PLCG1: variants seen among roughly 807,000 people sequenced by gnomAD.
PLCG1 encodes phospholipase C gamma 1.
PLCG1 carries 71 observed loss-of-function variants against 177.8 expected under a neutral mutation model. The ratio of observed to expected loss-of-function variants is 0.40; its 90% confidence interval spans 0.33 to 0.49. The LOEUF is 0.49. Among genes scored for constraint, PLCG1 ranks in the 20% least tolerant of loss-of-function variants. The pLI is 0.72. For missense variants in PLCG1, 1,281 were observed against 1,709.0 expected (o/e 0.75, Z 4.42); for synonymous variants, 658 against 647.9 (o/e 1.02, Z -0.24).
At position 41,168,163 on chromosome 20, in the gene PLCG1, T is replaced by C. The variant is rs34705701; in HGVS notation, c.2379+234T>C. Among the ~76,000 whole-genome samples the C allele has an allele frequency of 6.0e-3, 909 of 152,296 alleles. 6 individuals are homozygous for C. The highest frequency in any genetic ancestry group is 0.01 in the Middle Eastern group (3 of 294). On this transcript the variant is annotated intron_variant, in intron 20 of 31. Transcript: ENST00000685551. ...CAGCAGTGACCCTTTAAACTGCTCC[T>C]GTGGGTGACCCCTGTTTCCTTCCTG...
Position 41,147,074 on chromosome 20 carries a change from C to T in PLCG1, c.217+9216C>T, listed in dbSNP as rs928191197. On this transcript the variant is annotated intron_variant, in intron 1 of 31. Transcript: ENST00000685551. This position sits in a 1 kb window ranked among gnomAD's most constrained non-coding sequence, Gnocchi z 4.0. ...CACTGAAGACCCACTTTATGGTCAC[C>T]CTATTCTGCCTGATAGTCCACCACC... 6.6e-6 allele frequency among the ~76,000 whole-genome samples: 1 copy of T among 152,124 alleles called. No homozygotes were observed. Among genetic ancestry groups the T allele is most frequent in the African/African-American group, 2.4e-5 (1 of 41,400 alleles).
intron 20 of PLCG1, among the ~76,000 whole-genome samples, 186 bp from the exon 21 acceptor site, chr20:41,168,581 T>C (rs977824919): frequency 3.9e-5 from 6 of 152,236 alleles, no homozygotes; most frequent in African/African-American, 1.4e-4. Context: ...ATCATATCTG[T>C]CCTGGAGCTT....
At chr20:41,155,095 G>T (rs2035279045) in intron 1 of PLCG1, among the ~76,000 whole-genome samples, 1 of 152,202 alleles carries the variant, frequency 6.6e-6, no homozygotes, top group Admixed American at 6.5e-5. Context: ...GGGAAGAGAT[G>T]GAAAAGGAAC....
intron 1 of PLCG1, among the ~76,000 whole-genome samples, chr20:41,152,803 AGTG>A (rs1441707102): frequency 6.6e-6 from 1 of 152,254 alleles, no homozygotes; most frequent in Non-Finnish European, 1.5e-5. Context: ...AGGTGTGACA[AGTG>A]GTGACACACA....
Position 41,153,741 on chromosome 20 carries a change from CA to C in PLCG1, c.218-5860del, listed in dbSNP as rs1434925421. On this transcript the variant is annotated intron_variant, in intron 1 of 31. Transcript: ENST00000685551. The surrounding 1 kb of genome is among the most constrained non-coding windows in gnomAD (Gnocchi z 5.1). ...TGAAACCCCGTCTCTACTAAAAATA[CA>C]AAAATCAGCTGGGCATGGTGGTGTG... Among the ~76,000 whole-genome samples, 1 of 152,040 alleles carries C rather than the reference CA, an allele frequency of 6.6e-6. No homozygotes were observed. The highest frequency in any genetic ancestry group is 6.6e-5 in the Admixed American group (1 of 15,252).
Position 41,166,521 on chromosome 20 carries a change from A to G in PLCG1, c.2046A>G (p.Leu682=). Reference sequence around the variant, plus strand: ...CCAGAGCACAGGCTGAGCACATGCTAATGCGCGTCCCTCGTGATGGGGCCT... The same window carrying G: ...CCAGAGCACAGGCTGAGCACATGCTGATGCGCGTCCCTCGTGATGGGGCCT... ...SLTRAQAEHM[L]MRVPRDGAFL... is the part of the protein sequence containing the mutation. The change falls in exon 18 of 32, where the codon CTA becomes CTG. Residue 682 remains leucine, a synonymous_variant. Coordinates refer to ENST00000685551, the MANE Select transcript of PLCG1 (RefSeq NM_002660.3). The surrounding 1 kb of genome is among the most constrained non-coding windows in gnomAD (Gnocchi z 8.6). The G allele has an allele frequency of 1.2e-6, 2 of 1,614,078 alleles. No homozygotes were observed. The highest frequency in any genetic ancestry group is 8.5e-7 in the Non-Finnish European group (1 of 1,180,028).
Position 41,137,588 on chromosome 20 carries a change from G to A in PLCG1, c.-54G>A, listed in dbSNP as rs2034638123. On this transcript the variant is annotated 5_prime_UTR_variant, in exon 1 of 32. Coordinates refer to ENST00000685551, the MANE Select transcript of PLCG1 (RefSeq NM_002660.3). The surrounding 1 kb of genome is among the most constrained non-coding windows in gnomAD (Gnocchi z 7.3). ...CCCCAACCTCAGCCGCCGCCGTTGCGCTTGCTCCCGGGCGGTCCTGGCCTG... is the reference window on the plus strand; with the variant it reads ...CCCCAACCTCAGCCGCCGCCGTTGCACTTGCTCCCGGGCGGTCCTGGCCTG... The A allele has an allele frequency of 5.3e-6, 6 of 1,134,210 alleles. No individual in the cohort carries two copies. Among genetic ancestry groups the A allele is most frequent in the Non-Finnish European group, 5.6e-6 (5 of 889,348 alleles). 70.3% of individuals were successfully genotyped at this position (1,134,210 alleles called of 1,614,324 possible). A position where few individuals can be genotyped will look rare whatever the true frequency, so the allele number is the denominator to read the frequency against.
Position 41,164,828 on chromosome 20 carries a change from C to T in PLCG1, c.1218-105C>T, listed in dbSNP as rs1428295502. ...TCTTTTCTGGGATAGTTTTTACAGACAAGAAGCCCCCAGGCCCTTGGCTTC... is the reference window on the plus strand; with the variant it reads ...TCTTTTCTGGGATAGTTTTTACAGATAAGAAGCCCCCAGGCCCTTGGCTTC... On this transcript the variant is annotated intron_variant, in intron 12 of 31. Transcript: ENST00000685551. The surrounding 1 kb of genome is among the most constrained non-coding windows in gnomAD (Gnocchi z 6.4). 2.7e-6 allele frequency: 3 copies of T among 1,130,856 alleles called. No individual in the cohort carries two copies. The African/African-American group carries it at 4.7e-5, about 18-fold the overall frequency. 70.1% of individuals were successfully genotyped at this position (1,130,856 alleles called of 1,614,324 possible). A position where few individuals can be genotyped will look rare whatever the true frequency, so the allele number is the denominator to read the frequency against.
rs33943601 is a variant in PLCG1, at chr20:41,172,488, C to G, written c.2973C>G (p.Tyr991Ter). Residue 991 changes from tyrosine to a stop codon, truncating the protein, a stop_gained, in exon 26 of 32, where the codon TAC becomes TAG. Transcript: ENST00000685551. LOFTEE classifies it high-confidence loss of function. The surrounding 1 kb of genome is among the most constrained non-coding windows in gnomAD (Gnocchi z 7.0). ...SSFPETKAEK[Y>*]VNKAKGKKFL... Reference sequence around the variant, plus strand: ...TCCCGGAAACCAAGGCTGAGAAATACGTGAACAAGGCCAAAGGCAAGAAGT... The same window carrying G: ...TCCCGGAAACCAAGGCTGAGAAATAGGTGAACAAGGCCAAAGGCAAGAAGT... 1 of 1,614,166 alleles carries G rather than the reference C, an allele frequency of 6.2e-7. No homozygotes were observed. Among genetic ancestry groups the G allele is most frequent in the Non-Finnish European group, 8.5e-7 (1 of 1,179,994 alleles).
In PLCG1 at chr20:41,173,993, T is replaced by A; in HGVS notation, c.3627T>A (p.Ile1209=). 1 of 1,614,042 alleles carries A rather than the reference T, an allele frequency of 6.2e-7. No homozygotes were observed. The highest frequency in any genetic ancestry group is 1.1e-5 in the South Asian group (1 of 91,084). Reference sequence around the variant, plus strand: ...AGTTGGCCTCCCTGCTGATCAAGATTGACATTTTCCCTGCCAAGGTATCTG... The same window carrying A: ...AGTTGGCCTCCCTGCTGATCAAGATAGACATTTTCCCTGCCAAGGTATCTG... ...DLELASLLIK[I]DIFPAKQENG... Residue 1209 remains isoleucine (I), a synonymous_variant, in exon 30 of 32, where the codon ATT becomes ATA. Transcript: ENST00000685551. This position sits in a 1 kb window ranked among gnomAD's most constrained non-coding sequence, Gnocchi z 6.2.
intron 1 of PLCG1, among the ~76,000 whole-genome samples, chr20:41,143,498 TGC>T (rs1229307615): frequency 6.6e-6 from 1 of 152,186 alleles, no homozygotes; most frequent in East Asian, 1.9e-4. Flanking sequence ...AATGTTCTGG[TGC>T]CCCTTGTAGA....
At position 41,163,648 on chromosome 20, in the gene PLCG1, A is replaced by G. The variant is rs958259507; in HGVS notation, c.892-67A>G. 3.7e-5 allele frequency: 45 copies of G among 1,203,698 alleles called. No homozygotes were observed. The highest frequency in any genetic ancestry group is 1.9e-4 in the Middle Eastern group (1 of 5,252). The allele number at this position is 1,203,698 out of a possible 1,614,324, so 74.6% of individuals were successfully genotyped here. On this transcript the variant is annotated intron_variant, in intron 9 of 31. Coordinates refer to ENST00000685551, the MANE Select transcript of PLCG1 (RefSeq NM_002660.3). This position sits in a 1 kb window ranked among gnomAD's most constrained non-coding sequence, Gnocchi z 5.2. ...CAGAGCACTCTCTCTCCTACCCCCA[A>G]CCTACCATCTTGGGTTGGACAGGGC...
Position 41,172,801 on chromosome 20 carries a change from C to T in PLCG1, c.3203C>T (p.Thr1068Ile). 2.5e-6 allele frequency: 4 copies of T among 1,614,178 alleles called. No individual in the cohort carries two copies. The highest frequency in any genetic ancestry group is 3.4e-6 in the Non-Finnish European group (4 of 1,180,030). The change falls in exon 27 of 32, where the codon ACC becomes ATC. Residue 1068 changes from threonine to isoleucine, a missense_variant. This residue lies in a region of PLCG1 where 723 missense variants were observed against 1,030.0 expected (regional missense o/e 0.70). Transcript: ENST00000685551. This position sits in a 1 kb window ranked among gnomAD's most constrained non-coding sequence, Gnocchi z 7.0. ...TGTGGCTACGTGCTGCAGCCAAGCACCATGCGGGATGAGGCCTTCGACCCC... is the reference window on the plus strand; with the variant it reads ...TGTGGCTACGTGCTGCAGCCAAGCATCATGCGGGATGAGGCCTTCGACCCC... ...RHCGYVLQPS[T>I]MRDEAFDPFD...
Position 41,168,792 on chromosome 20 carries a change from A to G in PLCG1, c.2405A>G (p.Tyr802Cys). ...TGTGCAGTCAAAGCCCTCTTTGACTACAAGGCCCAGAGGGAGGACGAGCTG... is the reference window on the plus strand; with the variant it reads ...TGTGCAGTCAAAGCCCTCTTTGACTGCAAGGCCCAGAGGGAGGACGAGCTG... ...FKCAVKALFD[Y>C]KAQREDELTF... Residue 802 changes from tyrosine to cysteine, a missense_variant, in exon 21 of 32, where the codon TAC (tyrosine) becomes TGC (cysteine). Coordinates refer to ENST00000685551, the MANE Select transcript of PLCG1 (RefSeq NM_002660.3). The G allele has an allele frequency of 6.2e-7, 1 of 1,610,848 alleles. No homozygotes were observed. Among genetic ancestry groups the G allele is most frequent in the Non-Finnish European group, 8.5e-7 (1 of 1,177,552 alleles).
At chr20:41,154,186 C>T (rs1411043961) in intron 1 of PLCG1, among the ~76,000 whole-genome samples, 1 of 152,168 alleles carries the variant, frequency 6.6e-6, no homozygotes, top group Non-Finnish European at 1.5e-5. Flanking sequence ...GTTCATAATA[C>T]CTCTCTACAC....
Position 41,166,486 on chromosome 20 carries a change from G to A in PLCG1, c.2011G>A (p.Ala671Thr), listed in dbSNP as rs367912334. 8 of 1,613,942 alleles carry A rather than the reference G, an allele frequency of 5.0e-6. No individual in the cohort carries two copies. The highest frequency in any genetic ancestry group is 5.9e-6 in the Non-Finnish European group (7 of 1,180,038). Residue 671 changes from alanine to threonine, a missense_variant, in exon 18 of 32, where the codon GCG (alanine) becomes ACG (threonine). This residue lies in a region of PLCG1 where 723 missense variants were observed against 1,030.0 expected (regional missense o/e 0.70). Coordinates refer to ENST00000685551, the MANE Select transcript of PLCG1 (RefSeq NM_002660.3). The surrounding 1 kb of genome is among the most constrained non-coding windows in gnomAD (Gnocchi z 8.6). ...TCTGCCTGTTCTCAGGTGGTACCAC[G>A]CGAGCCTGACCAGAGCACAGGCTGA... Reference protein sequence around the residue: ...NAHESKEWYHASLTRAQAEHM... With the variant: ...NAHESKEWYHTSLTRAQAEHM...
chr20:41,159,733 T>C lies in PLCG1; in HGVS notation c.345T>C (p.Phe115=). ...HCFVILYGME[F]RLKTLSLQAT... ...TTGTCATTCTCTATGGAATGGAATT[T>C]CGCCTGAAAACGCTGAGCCTGCAAG... The change falls in exon 2 of 32, where the codon TTT becomes TTC. Residue 115 remains phenylalanine (F), a synonymous_variant. Coordinates refer to ENST00000685551, the MANE Select transcript of PLCG1 (RefSeq NM_002660.3). The surrounding 1 kb of genome is among the most constrained non-coding windows in gnomAD (Gnocchi z 6.0). 1 of 1,614,228 alleles carries C rather than the reference T, an allele frequency of 6.2e-7. No homozygotes were observed. The highest frequency in any genetic ancestry group is 2.2e-5 in the East Asian group (1 of 44,890).
rs2035068208 is a variant in PLCG1 at position 41,148,587 on chromosome 20, T to G, written c.217+10729T>G. On this transcript the variant is annotated intron_variant, in intron 1 of 31. Coordinates refer to ENST00000685551, the MANE Select transcript of PLCG1 (RefSeq NM_002660.3). The surrounding 1 kb of genome is among the most constrained non-coding windows in gnomAD (Gnocchi z 4.3). The stretch of plus-strand genomic sequence containing the variant: ...TATAGCAGTGATGCTTTCATAGTAT[T>G]TTTCTTGAATAAGGTCCCCAAAACC... Among the ~76,000 whole-genome samples, 1 of 152,128 alleles carries G rather than the reference T, an allele frequency of 6.6e-6. No individual in the cohort carries two copies.
At chr20:41,139,512 G>A (rs551606499) in intron 1 of PLCG1, among the ~76,000 whole-genome samples, 4 of 152,254 alleles carry the variant, frequency 2.6e-5, no homozygotes, top group Admixed American at 1.3e-4. Context: ...TGGATTTGAA[G>A]CCCATATATT....
Sources: gnomAD v4.1 joint callset for allele counts (sites outside exome capture counted in the v4.1 genomes callset) on GRCh38, gnomAD v4.1.1 for gene constraint, gnomAD v4.1.1 regional missense constraint, Gnocchi (gnomAD v3.1) non-coding constraint, MANE v1.5 for transcripts, NCBI Gene and HGNC (gene_info 2026-07-23, HGNC 2026-07-21) for gene names.